Variants in MELK observed in about 807,000 individuals in gnomAD.
MELK encodes the protein pEg3 kinase.
In MELK, 81 loss-of-function variants were observed where a neutral mutation model predicts 85.0. That is an observed-to-expected ratio of 0.95 (90% CI 0.80 to 1.15). The LOEUF is 1.15. Among genes scored for constraint, MELK ranks in the 50% most tolerant of loss-of-function variants. The pLI is 0.00. For synonymous variants in MELK, 252 were observed against 265.0 expected (o/e 0.95, Z 0.48); for missense variants, 754 against 777.5 (o/e 0.97, Z 0.36).
intron 7 of MELK, among the ~76,000 whole-genome samples, chr9:36,600,126 C>T (rs939302835): frequency 2.0e-5 from 3 of 151,406 alleles, no homozygotes; most frequent in African/African-American, 7.3e-5. Context: ...CGGAGTCTCA[C>T]TCTGTCACCC....
At chr9:36,659,327 T>C (rs1325236892) in intron 13 of MELK, among the ~76,000 whole-genome samples, 1 of 152,158 alleles carries the variant, frequency 6.6e-6, no homozygotes, top group Non-Finnish European at 1.5e-5. Context: ...TACTTTTTTA[T>C]TTCTTTGCAT....
intron 3 of MELK, among the ~76,000 whole-genome samples, chr9:36,585,105 C>T (rs1209581957): frequency 6.6e-6 from 1 of 152,032 alleles, no homozygotes; most frequent in Non-Finnish European, 1.5e-5. Flanking sequence ...TATGTGAATT[C>T]TTCCAGGGGG....
chr9:36,653,469 A>T (rs1159198019), intron 12 of MELK, among the ~76,000 whole-genome samples: 3 of 152,122 alleles, frequency 2.0e-5, no homozygotes, highest in Non-Finnish European at 2.9e-5. Flanking sequence ...TAAAATGGTG[A>T]AGAAGCTTAC....
intron 12 of MELK, among the ~76,000 whole-genome samples, chr9:36,652,548 G>A (rs1830813305): frequency 6.6e-6 from 1 of 151,254 alleles, no homozygotes; most frequent in African/African-American, 2.4e-5. Context: ...TGGCCAATAT[G>A]GTGAAACCCC....
At chr9:36,636,829 T>TTTCTTTC (rs1296296702) in intron 10 of MELK, among the ~76,000 whole-genome samples, 11,265 of 137,952 alleles carry the variant, frequency 0.082, 524 homozygotes, top group Middle Eastern at 0.12. Flanking sequence ...TCTGTCTTTC[T>TTTCTTTC]TGTCTTTCTT....
At chr9:36,661,952 A>C (rs10814426) in intron 13 of MELK, among the ~76,000 whole-genome samples, 131,697 of 137,394 alleles carry the variant, frequency 0.96, 63,144 homozygotes, top group Middle Eastern at 0.99. Flanking sequence ...AAAAAAAAAA[A>C]AAAACAAAAC....
chr9:36,601,566 T>C (rs1466600168), intron 7 of MELK, among the ~76,000 whole-genome samples: 4 of 152,228 alleles, frequency 2.6e-5, no homozygotes, highest in Non-Finnish European at 5.9e-5. Flanking sequence ...TTATTTTTAA[T>C]TGTGGTAAAA....
intron 3 of MELK, among the ~76,000 whole-genome samples, chr9:36,587,671 A>G (rs139804531): frequency 0.059 from 8,892 of 150,402 alleles, 393 homozygotes; most frequent in East Asian, 0.2. Flanking sequence ...CTGGAGTGCA[A>G]TGGCAACCTC....
At chr9:36,649,938 A>T (rs10758382) in intron 11 of MELK, among the ~76,000 whole-genome samples, 145,238 of 151,470 alleles carry the variant, frequency 0.96, 69,568 homozygotes, top group Middle Eastern at 0.98. Context: ...TAATTTAATT[A>T]AATTAATTAA....
At position 36,669,371 on chromosome 9, in the gene MELK, C is replaced by G. The variant is rs1414498282; in HGVS notation, c.1470C>G (p.Asp490Glu). The G allele has an allele frequency of 3.1e-6, 5 of 1,607,462 alleles. No individual in the cohort carries two copies. Among genetic ancestry groups the G allele is most frequent in the Non-Finnish European group, 4.2e-6 (5 of 1,177,624 alleles). The part of the protein sequence containing the change: ...IKIPVNSTGT[D>E]KLMTGVISPE... ...TACCAGTAAATTCAACAGGAACAGA[C>G]AAGTTAATGACAGGTGTCATTAGCC... The change falls in exon 15 of 18, where the codon GAC becomes GAG. Residue 490 changes from aspartate to glutamate, a missense_variant. By Grantham distance (45) the Asp-to-Glu change is conservative (BLOSUM62 2). Transcript: ENST00000298048.
intron 11 of MELK, among the ~76,000 whole-genome samples, 156 bp downstream of exon 11, chr9:36,643,239 C>T (rs1215850424): frequency 1.3e-5 from 2 of 152,052 alleles, no homozygotes; most frequent in East Asian, 3.9e-4. Context: ...AAAAATTAGC[C>T]AGGTGTGGTG....
At chr9:36,638,496 G>C (rs936839729) in intron 10 of MELK, among the ~76,000 whole-genome samples, 1 of 152,034 alleles carries the variant, frequency 6.6e-6, no homozygotes, top group African/African-American at 2.4e-5. Context: ...TGTTGGTCAG[G>C]CTGGTCTTTA....
At chr9:36,612,681 C>G (rs1334641763) in intron 8 of MELK, among the ~76,000 whole-genome samples, 1 of 152,204 alleles carries the variant, frequency 6.6e-6, no homozygotes, top group East Asian at 1.9e-4. Context: ...ATGAGATTTG[C>G]CAGTATTTTG....
chr9:36,610,881 A>C (rs557388016), intron 8 of MELK, among the ~76,000 whole-genome samples: 14 of 152,286 alleles, frequency 9.2e-5, no homozygotes, highest in African/African-American at 3.4e-4. Flanking sequence ...TTTTCTGTAA[A>C]GTAGGGCTGT....
intron 10 of MELK, among the ~76,000 whole-genome samples, chr9:36,642,415 G>T (rs953381719): frequency 8.5e-5 from 11 of 130,024 alleles, no homozygotes; most frequent in African/African-American, 2.6e-4. Flanking sequence ...CTGTACAACA[G>T]AACTTTTTTT....
chr9:36,633,245 G>A, intron 10 of MELK, 45 bp downstream of exon 10: 1 of 1,341,528 alleles, frequency 7.5e-7, no homozygotes, highest in Non-Finnish European at 1.0e-6. Context: ...GACTTTGTGT[G>A]GTCTTTGGGT....
chr9:36,601,286 A>T (rs1824897099), intron 7 of MELK, among the ~76,000 whole-genome samples: 1 of 151,988 alleles, frequency 6.6e-6, no homozygotes, highest in Non-Finnish European at 1.5e-5. Context: ...GCATTTAGTT[A>T]TTGTGTCTCT....
At chr9:36,666,389 C>T (rs1308031471) in intron 14 of MELK, among the ~76,000 whole-genome samples, 3 of 152,118 alleles carry the variant, frequency 2.0e-5, no homozygotes, top group Non-Finnish European at 4.4e-5. Flanking sequence ...TAGTAGGGGC[C>T]ATACCTGTCT....
At chr9:36,605,847 C>CT (rs141848982) in intron 7 of MELK, among the ~76,000 whole-genome samples, 2,193 of 148,708 alleles carry the variant, frequency 0.015, 49 homozygotes, top group African/African-American at 0.049. Flanking sequence ...TCCTCTTTTT[C>CT]TTTTTTTGCT....
Sources: allele counts gnomAD v4.1 joint callset (sites outside exome capture counted in the v4.1 genomes callset), GRCh38; gene constraint gnomAD v4.1.1; transcripts MANE v1.5; gene names NCBI Gene and HGNC (gene_info 2026-07-23, HGNC 2026-07-21).